NLRP1: variants seen among roughly 807,000 people sequenced by gnomAD.
NLRP1 encodes the protein NACHT, LRR and PYD domains-containing protein 1.
Under a neutral mutation model 136.7 loss-of-function variants are expected in NLRP1, and 94 were observed. The observed-to-expected ratio is 0.69, with a 90% CI of 0.58 to 0.82. NLRP1 has a LOEUF of 0.82. Among genes scored for constraint, NLRP1 ranks in the 40% least tolerant of loss-of-function variants. The pLI is 0.00. For synonymous variants in NLRP1, 690 were observed against 725.1 expected, an observed-to-expected ratio of 0.95 and a Z score of 0.78; for missense variants, 1,575 against 1,802.7, an observed-to-expected ratio of 0.87 and a Z score of 2.29.
chr17:5,527,817 G>A (rs900183320), intron 12 of NLRP1, among the ~76,000 whole-genome samples: 1 of 152,194 alleles, frequency 6.6e-6, no homozygotes, highest in African/African-American at 2.4e-5. Flanking sequence ...CTGTGCACTC[G>A]GAGGGTCACC....
chr17:5,507,788 G>A (rs930742199), intron 15 of NLRP1, among the ~76,000 whole-genome samples: 6 of 152,056 alleles, frequency 3.9e-5, no homozygotes, highest in African/African-American at 1.2e-4. Context: ...CCGAGATTGC[G>A]CCACTGCACC....
chr17:5,562,940 G>GA (rs1289809900), intron 3 of NLRP1, among the ~76,000 whole-genome samples: 1 of 152,190 alleles, frequency 6.6e-6, no homozygotes, highest in Admixed American at 6.5e-5. Context: ...GAGGCCAGAG[G>GA]AAAAGGCTGG....
At chr17:5,545,273 A>C (rs1279203556) in intron 5 of NLRP1, among the ~76,000 whole-genome samples, 1 of 151,812 alleles carries the variant, frequency 6.6e-6, no homozygotes, top group African/African-American at 2.4e-5. Context: ...ACACCACTGC[A>C]CTCCAGCTTA....
intron 3 of NLRP1, among the ~76,000 whole-genome samples, chr17:5,566,782 G>A (rs1381949976): frequency 6.6e-6 from 1 of 151,964 alleles, no homozygotes; most frequent in East Asian, 1.9e-4. Context: ...AGCTATTATT[G>A]TATTGAGGCC....
downstream of NLRP1, among the ~76,000 whole-genome samples, chr17:5,509,856 G>A (rs1228780440): frequency 1.3e-5 from 2 of 151,936 alleles, no homozygotes; most frequent in African/African-American, 4.8e-5. Context: ...GTTCCAAGTG[G>A]CCCACTTTAA....
chr17:5,533,756 C>G, intron 9 of NLRP1, 141 bp downstream of exon 9: 1 of 676,164 alleles, frequency 1.5e-6, no homozygotes, highest in South Asian at 1.7e-5. Flanking sequence ...AGTGGGAGCT[C>G]TCTCGTGGGG....
At chr17:5,564,704 A>G (rs981496752) in intron 3 of NLRP1, among the ~76,000 whole-genome samples, 5 of 134,694 alleles carry the variant, frequency 3.7e-5, no homozygotes, top group Non-Finnish European at 6.4e-5. Context: ...TTGGATGTAT[A>G]CCCTGCAGTG....
chr17:5,534,809 G>A (rs1168070605), intron 8 of NLRP1, among the ~76,000 whole-genome samples: 2 of 152,184 alleles, frequency 1.3e-5, no homozygotes, highest in Non-Finnish European at 2.9e-5. Context: ...AGTCCAAAAG[G>A]GCTTGCCAGG....
rs377257293 is a variant in NLRP1, at chr17:5,515,596, C to T, written c.4058-79G>A. The T allele has an allele frequency of 3.6e-6, 4 of 1,115,718 alleles. No homozygotes were observed. The African/African-American group carries it at 6.1e-5, about 17-fold the overall frequency. 69.1% of individuals were successfully genotyped at this position (1,115,718 alleles called of 1,614,324 possible). A position where few individuals can be genotyped will look rare whatever the true frequency, so the allele number is the denominator to read the frequency against. ...CACATGGTACACCTCCAAGCTCCCA[C>T]TCACTTCTGAGATTCTTTGATTTAG... is the stretch of plus-strand genomic sequence containing the variant. On this transcript the variant is annotated intron_variant, in intron 15 of 16. Coordinates refer to ENST00000572272, the MANE Select transcript of NLRP1 (RefSeq NM_033004.4).
chr17:5,504,960 G>C lies in NLRP1; in HGVS notation c.4070-3088C>G, dbSNP rs1351854734. The C allele has an allele frequency of 6.5e-6, 1 of 153,120 alleles. No individual in the cohort carries two copies. The highest frequency in any genetic ancestry group is 1.5e-5 in the Non-Finnish European group (1 of 68,180). 9.5% of individuals were successfully genotyped at this position (153,120 alleles called of 1,614,324 possible). On this transcript the variant is annotated intron_variant, in intron 15 of 15. Coordinates refer to the NLRP1 transcript ENST00000262467. The surrounding 1 kb of genome is among the most constrained non-coding windows in gnomAD (Gnocchi z 4.4). ...TGGTGGTGGGGTGTATGTGTCAGTG[G>C]GTGGGTGGGAGAGAAGGACCTTCTG...
chr17:5,518,126 T>G, intron 14 of NLRP1: 1 of 408,618 alleles, frequency 2.4e-6, no homozygotes, highest in Non-Finnish European at 4.4e-6. Flanking sequence ...CTCATAATCC[T>G]AAGCCAGATC....
intron 3 of NLRP1, among the ~76,000 whole-genome samples, chr17:5,572,701 C>T (rs1237611385): frequency 1.6e-5 from 2 of 121,312 alleles, no homozygotes; most frequent in African/African-American, 3.1e-5. Context: ...CAGTGTGATA[C>T]TTTGTCTCAG....
chr17:5,548,427 C>G (rs7224037), intron 5 of NLRP1, among the ~76,000 whole-genome samples: 3 of 152,142 alleles, frequency 2.0e-5, no homozygotes, highest in African/African-American at 7.2e-5. Flanking sequence ...ATCAATGACT[C>G]CTTCTCCTTC....
intron 3 of NLRP1, among the ~76,000 whole-genome samples, chr17:5,560,319 G>A (rs1212390316): frequency 1.3e-5 from 2 of 152,150 alleles, no homozygotes; most frequent in Non-Finnish European, 1.5e-5. Context: ...AGGGGTTGGG[G>A]ATAAAGAGTG....
At chr17:5,579,125 G>C (rs138445811) in intron 3 of NLRP1, among the ~76,000 whole-genome samples, 12 of 152,022 alleles carry the variant, frequency 7.9e-5, no homozygotes, top group East Asian at 5.8e-4. Context: ...GTTGGAGGAG[G>C]GGGGAGGGAT....
intron 12 of NLRP1, among the ~76,000 whole-genome samples, chr17:5,527,067 T>A (rs1225468368): frequency 6.6e-6 from 1 of 152,230 alleles, no homozygotes; most frequent in African/African-American, 2.4e-5. Flanking sequence ...GAAGGGGCCC[T>A]GCCCGGCCCC....
intron 12 of NLRP1, among the ~76,000 whole-genome samples, chr17:5,523,707 C>A (rs544159360): frequency 6.6e-6 from 1 of 152,298 alleles, no homozygotes; most frequent in South Asian, 2.1e-4. Flanking sequence ...TGCCTGGTAA[C>A]TGCTGCAATG....
chr17:5,509,442 T>C (rs935592242), downstream of NLRP1, among the ~76,000 whole-genome samples: 11 of 152,230 alleles, frequency 7.2e-5, no homozygotes, highest in Non-Finnish European at 4.4e-5. Context: ...GTATTGCTCA[T>C]GGCCTCTATC....
In NLRP1 at chr17:5,520,903, C is replaced by G. The variant is rs766937839; in HGVS notation, c.3893G>C (p.Gly1298Ala). 5 of 1,607,308 alleles carry G rather than the reference C, an allele frequency of 3.1e-6. No homozygotes were observed. Among genetic ancestry groups the G allele is most frequent in the Non-Finnish European group, 4.3e-6 (5 of 1,176,210 alleles). ...CRYTVSGSGS[G>A]MLEILPKELE... ...CACCTTGGGGAGTATTTCCAGCATC[C>G]CTGAACCAGACCCAGACACAGTGTA... Residue 1298 changes from glycine to alanine, a missense_variant, in exon 14 of 17, where the codon GGG (glycine) becomes GCG (alanine). Transcript: ENST00000572272.
Sources: gnomAD v4.1 joint callset for allele counts (sites outside exome capture counted in the v4.1 genomes callset) on GRCh38, gnomAD v4.1.1 for gene constraint, Gnocchi (gnomAD v3.1) non-coding constraint, MANE v1.5 for transcripts, NCBI Gene and HGNC (gene_info 2026-07-23, HGNC 2026-07-21) for gene names.